The following ZRANB3 variants were observed in gnomAD, a reference collection of about 807,000 sequenced individuals.
The protein encoded by ZRANB3 is DNA annealing helicase and endonuclease ZRANB3.
ZRANB3 carries 125 observed loss-of-function variants against 133.8 expected under a neutral mutation model. The observed-to-expected ratio is 0.93, with a 90% CI of 0.81 to 1.08. The LOEUF (loss-of-function observed/expected upper bound fraction) is 1.08. Among genes scored for constraint, ZRANB3 ranks in the 50% least tolerant of loss-of-function variants. The pLI, the probability that ZRANB3 is intolerant of heterozygous loss-of-function variation, is 0.00. For missense variants in ZRANB3, 1,229 were observed against 1,275.5 expected (o/e 0.96, Z 0.56); for synonymous variants, 387 against 432.7 (o/e 0.89, Z 1.31).
intron 6 of ZRANB3, among the ~76,000 whole-genome samples, chr2:135,338,338 G>C (rs1684461986): frequency 6.6e-6 from 1 of 152,192 alleles, no homozygotes; most frequent in South Asian, 2.1e-4. Context: ...ATACAATGCA[G>C]GTCAAGTTCC....
At chr2:135,430,252 A>G (rs1689261470) in intron 2 of ZRANB3, among the ~76,000 whole-genome samples, 1 of 152,098 alleles carries the variant, frequency 6.6e-6, no homozygotes, top group Admixed American at 6.6e-5. Flanking sequence ...GGAAAGATTC[A>G]TTTCTTGATG....
chr2:135,312,157 T>TTTTTATTTTATTTTA (rs879598687), intron 8 of ZRANB3, among the ~76,000 whole-genome samples: 2 of 95,098 alleles, frequency 2.1e-5, no homozygotes, highest in East Asian at 3.2e-4. Context: ...TTTTATTTTA[T>TTTTTATTTTATTTTA]TTTTATTTTA....
intron 2 of ZRANB3, among the ~76,000 whole-genome samples, chr2:135,503,305 A>G (rs1402150379): frequency 6.6e-6 from 1 of 152,242 alleles, no homozygotes; most frequent in African/African-American, 2.4e-5. Flanking sequence ...GATGGGACAG[A>G]AGGATAGAAG....
chr2:135,416,010 G>A (rs1172855025), intron 2 of ZRANB3, among the ~76,000 whole-genome samples: 3 of 151,866 alleles, frequency 2.0e-5, no homozygotes, highest in African/African-American at 7.3e-5. Context: ...CATACTGAAT[G>A]GGCAAAAACT....
At chr2:135,511,664 C>G in intron 1 of ZRANB3, 1 of 768,834 alleles carries the variant, frequency 1.3e-6, no homozygotes, top group Non-Finnish European at 2.4e-6. Flanking sequence ...AGCCCCAACA[C>G]CTGGACTACC....
At chr2:135,400,111 G>T (rs1317375489) in intron 2 of ZRANB3, among the ~76,000 whole-genome samples, 1 of 151,948 alleles carries the variant, frequency 6.6e-6, no homozygotes, top group African/African-American at 2.4e-5. Context: ...GTGGAAGCGG[G>T]CTCCTATAAT....
At chr2:135,401,230 A>T (rs1687716357) in intron 2 of ZRANB3, among the ~76,000 whole-genome samples, 1 of 152,176 alleles carries the variant, frequency 6.6e-6, no homozygotes, top group South Asian at 2.1e-4. Context: ...TAGCTTTTAA[A>T]ATTTAAACTT....
At chr2:135,217,825 T>C (rs1435400792) in intron 16 of ZRANB3, among the ~76,000 whole-genome samples, 2 of 152,198 alleles carry the variant, frequency 1.3e-5, no homozygotes, top group Non-Finnish European at 2.9e-5. Flanking sequence ...CTTTTTTTTC[T>C]TTTTGATAGG....
chr2:135,366,895 C>T (rs950824695), intron 3 of ZRANB3, among the ~76,000 whole-genome samples: 2 of 151,922 alleles, frequency 1.3e-5, no homozygotes, highest in Admixed American at 6.6e-5. Context: ...GTGGCAGGCG[C>T]CTGTAGTCCC....
chr2:135,221,821 A>T (rs764251131), intron 15 of ZRANB3, among the ~76,000 whole-genome samples: 23 of 152,100 alleles, frequency 1.5e-4, no homozygotes, highest in Non-Finnish European at 2.8e-4. Flanking sequence ...CTCCAAACCT[A>T]TAAGAGGAGC....
intron 17 of ZRANB3, among the ~76,000 whole-genome samples, chr2:135,213,846 T>C (rs1232810018): frequency 6.6e-6 from 1 of 151,950 alleles, no homozygotes; most frequent in East Asian, 1.9e-4. Context: ...GATAGGGAGA[T>C]TACTGAGTGG....
intron 2 of ZRANB3, among the ~76,000 whole-genome samples, chr2:135,494,022 T>G (rs1296838323): frequency 6.6e-6 from 1 of 150,940 alleles, no homozygotes; most frequent in Non-Finnish European, 1.5e-5. Flanking sequence ...CAGAGAAAAC[T>G]AAGATACCAT....
At chr2:135,200,553 T>C (rs1693578639) in intron 20 of ZRANB3, 113 bp from the exon 21 acceptor site, 1 of 841,846 alleles carries the variant, frequency 1.2e-6, no homozygotes, top group Non-Finnish European at 1.9e-6. Context: ...TACACCCATT[T>C]TCCAGTGGTT....
chr2:135,342,368 C>T (rs1684715575), intron 6 of ZRANB3, among the ~76,000 whole-genome samples: 1 of 149,950 alleles, frequency 6.7e-6, no homozygotes, highest in Non-Finnish European at 1.5e-5. Flanking sequence ...TAACTTTGTG[C>T]TAGGATATCT....
chr2:135,242,159 C>T (rs1373306697), intron 12 of ZRANB3, among the ~76,000 whole-genome samples: 1 of 150,920 alleles, frequency 6.6e-6, no homozygotes, highest in East Asian at 1.9e-4. Flanking sequence ...GCCTGGGTGA[C>T]AGAGTGAGAC....
At chr2:135,207,928 G>A (rs909797941) in intron 18 of ZRANB3, 92 bp from the exon 19 acceptor site, 35 of 1,217,998 alleles carry the variant, frequency 2.9e-5, no homozygotes, top group Middle Eastern at 4.3e-4. Context: ...GTTTCAATAC[G>A]GATAAATAGT....
rs192820559 is a variant in ZRANB3, at chr2:135,386,109, T to A, written c.180+4693A>T. Among the ~76,000 whole-genome samples, 23 of 152,244 alleles carry A rather than the reference T, an allele frequency of 1.5e-4. No individual in the cohort carries two copies. The East Asian group carries it at 3.7e-3, about 24-fold the overall frequency. On this transcript the variant is annotated intron_variant, in intron 3 of 20. Transcript: ENST00000264159. The stretch of plus-strand genomic sequence containing the variant: ...ATCTACCCATCTGAGAAAGGGCTAA[T>A]ATCCAGAATCTACAGAGAACTCAAA...
At chr2:135,470,792 C>T (rs1325652569) in intron 2 of ZRANB3, among the ~76,000 whole-genome samples, 4 of 150,816 alleles carry the variant, frequency 2.7e-5, no homozygotes, top group Non-Finnish European at 4.4e-5. Context: ...TTAATGATCA[C>T]GAAATTTCTT....
intron 2 of ZRANB3, among the ~76,000 whole-genome samples, chr2:135,412,951 G>T (rs1412322202): frequency 6.6e-6 from 1 of 151,982 alleles, no homozygotes; most frequent in Non-Finnish European, 1.5e-5. Context: ...TATTACTCTG[G>T]ATCTATTATG....
Sources: allele counts gnomAD v4.1 joint callset (sites outside exome capture counted in the v4.1 genomes callset), GRCh38; gene constraint gnomAD v4.1.1; transcripts MANE v1.5; gene names NCBI Gene and HGNC (gene_info 2026-07-23, HGNC 2026-07-21).